Variants in TP53BP1 observed in about 807,000 individuals in gnomAD.
TP53BP1 encodes the protein TP53-binding protein 1.
A neutral mutation model predicts 200.8 loss-of-function variants in TP53BP1; 61 were observed. The observed-to-expected ratio is 0.30, with a 90% CI of 0.25 to 0.38. The LOEUF (loss-of-function observed/expected upper bound fraction) is 0.38, where lower values mean the gene tolerates loss of function less well. Among genes scored for constraint, TP53BP1 ranks in the 10% least tolerant of loss-of-function variants. TP53BP1 has a pLI of 1.00. For synonymous variants in TP53BP1, 822 were observed against 844.3 expected, an observed-to-expected ratio of 0.97 and a Z score of 0.46; for missense variants, 2,144 against 2,371.9, an observed-to-expected ratio of 0.90 and a Z score of 2.00.
chr15:43,476,135 T>C (rs1046943286), intron 8 of TP53BP1, among the ~76,000 whole-genome samples: 3 of 152,098 alleles, frequency 2.0e-5, no homozygotes, highest in Non-Finnish European at 1.5e-5. Flanking sequence ...CGTGGTGGTA[T>C]GCGCCTGTAA....
At chr15:43,472,625 T>C (rs2046753865) in intron 10 of TP53BP1, among the ~76,000 whole-genome samples, 1 of 152,216 alleles carries the variant, frequency 6.6e-6, no homozygotes, top group South Asian at 2.1e-4. Context: ...AAAAATAACC[T>C]ATAAGGACCA....
At chr15:43,471,311 T>G (rs1396481131) in intron 10 of TP53BP1, among the ~76,000 whole-genome samples, 2 of 152,146 alleles carry the variant, frequency 1.3e-5, no homozygotes, top group Non-Finnish European at 2.9e-5. Context: ...TATATCCAAA[T>G]ATACTAGTTG....
In TP53BP1 at chr15:43,438,367, C is replaced by G; in HGVS notation, c.3148G>C (p.Glu1050Gln). 6.2e-7 allele frequency: 1 copy of G among 1,613,908 alleles called. No homozygotes were observed. Among genetic ancestry groups the G allele is most frequent in the Non-Finnish European group, 8.5e-7 (1 of 1,179,928 alleles). ...GGATCCTCACTTCGAGCCTCATTCT[C>G]TTGCCTGGCTTCACAGATACAGCTC... ...VLSCICEARQ[E>Q]NEARSEDPPT... The change falls in exon 16 of 28, where the codon GAG becomes CAG. Residue 1050 changes from glutamate (E) to glutamine (Q), a missense_variant. Transcript: ENST00000382044.
intron 1 of TP53BP1, among the ~76,000 whole-genome samples, chr15:43,505,552 A>G (rs548375010): frequency 6.6e-6 from 1 of 152,336 alleles, no homozygotes; most frequent in Non-Finnish European, 1.5e-5. Flanking sequence ...GAGGGAAGAA[A>G]AAGGGGAAAT....
chr15:43,408,864 CTATACAAT>C, intron 26 of TP53BP1, 25 bp downstream of exon 26: 1 of 1,607,168 alleles, frequency 6.2e-7, no homozygotes, highest in South Asian at 1.1e-5. Context: ...GTCCTCCTGC[CTATACAAT>C]TCTGGATGGG....
intron 13 of TP53BP1, 98 bp downstream of exon 13, chr15:43,447,268 C>T: frequency 1.5e-6 from 2 of 1,341,228 alleles, no homozygotes; most frequent in African/African-American, 1.5e-5. Context: ...ATCAACCTTA[C>T]CAGCCAGACC....
chr15:43,423,803 CT>C (rs1306329590), intron 18 of TP53BP1, among the ~76,000 whole-genome samples: 1 of 152,082 alleles, frequency 6.6e-6, no homozygotes, highest in Non-Finnish European at 1.5e-5. Context: ...CATAAAAGTA[CT>C]TTTCTCTTTC....
chr15:43,452,451 G>A (rs900412158), intron 12 of TP53BP1, among the ~76,000 whole-genome samples: 2 of 151,606 alleles, frequency 1.3e-5, no homozygotes, highest in African/African-American at 4.8e-5. Flanking sequence ...CCGGCTTCTC[G>A]GGGCGGGGGG....
At chr15:43,463,653 A>G (rs1259070173) in intron 11 of TP53BP1, among the ~76,000 whole-genome samples, 1 of 152,226 alleles carries the variant, frequency 6.6e-6, no homozygotes, top group Non-Finnish European at 1.5e-5. Flanking sequence ...AAAATCTGGA[A>G]AAGGTAATCT....
chr15:43,455,338 T>C (rs1237916851), intron 12 of TP53BP1, among the ~76,000 whole-genome samples: 1 of 152,092 alleles, frequency 6.6e-6, no homozygotes, highest in Non-Finnish European at 1.5e-5. Context: ...TGGTACAATT[T>C]CTAAATATTT....
rs147976998 is a variant in TP53BP1, at chr15:43,429,941, A to G, written c.3676-1773T>C. On this transcript the variant is annotated intron_variant, in intron 17 of 27. Transcript: ENST00000382044. ...TTTACATATTCCTGAAATGCAGCCA[A>G]GAAGCTTCCCTGTATTCTTCCAGTT... Among the ~76,000 whole-genome samples the G allele has an allele frequency of 6.0e-4, 92 of 152,332 alleles. 3 individuals carry two copies. The East Asian group carries it at 0.018, about 29-fold the overall frequency.
In TP53BP1 at chr15:43,422,050, C is replaced by T. The variant is rs745587977; in HGVS notation, c.3905G>A (p.Gly1302Asp). 6.2e-7 allele frequency: 1 copy of T among 1,614,176 alleles called. No homozygotes were observed. The highest frequency in any genetic ancestry group is 8.5e-7 in the Non-Finnish European group (1 of 1,180,030). Residue 1302 changes from glycine (G) to aspartate (D), a missense_variant, in exon 19 of 28, where the codon GGT becomes GAT. Physicochemically the swap from Gly to Asp is moderately conservative, Grantham distance 94 (BLOSUM62 -1). Coordinates refer to ENST00000382044, the MANE Select transcript of TP53BP1 (RefSeq NM_001141980.3). ...GAAGGAGCTGATATCCCCCAGGTCA[C>T]CTGAGGAGCCCCCAGTCTGTGAAGG... is the stretch of plus-strand genomic sequence containing the variant. ...VSPSQTGGSS[G>D]DLGDISSFSS...
At chr15:43,483,691 A>G (rs1275029023) in intron 4 of TP53BP1, among the ~76,000 whole-genome samples, 1 of 152,274 alleles carries the variant, frequency 6.6e-6, no homozygotes, top group African/African-American at 2.4e-5. Context: ...ATAGAACATT[A>G]TCTATATAAC....
At chr15:43,453,942 T>C (rs1408720499) in intron 12 of TP53BP1, among the ~76,000 whole-genome samples, 1 of 149,686 alleles carries the variant, frequency 6.7e-6, no homozygotes, top group Admixed American at 6.7e-5. Flanking sequence ...GTGCAGCGGC[T>C]CACGCCTGTA....
chr15:43,405,422 A>G lies in TP53BP1; in HGVS notation c.*1961T>C. On this transcript the variant is annotated 3_prime_UTR_variant, in exon 28 of 28. Coordinates refer to ENST00000382044, the MANE Select transcript of TP53BP1 (RefSeq NM_001141980.3). Reference sequence around the variant, plus strand: ...TGGAAGGGTCTCTCCCATCAAGGAGAACATGTGGCATCTCTGATCCTTTAC... The same window carrying G: ...TGGAAGGGTCTCTCCCATCAAGGAGGACATGTGGCATCTCTGATCCTTTAC... 1 of 606,748 alleles carries G rather than the reference A, an allele frequency of 1.6e-6. No individual in the cohort carries two copies. The highest frequency in any genetic ancestry group is 2.9e-6 in the Non-Finnish European group (1 of 341,136). The allele number at this position is 606,748 out of a possible 1,614,324, so 37.6% of individuals were successfully genotyped here. A position where few individuals can be genotyped will look rare whatever the true frequency, so the allele number is the denominator to read the frequency against.
chr15:43,431,045 G>A (rs2045657620), intron 17 of TP53BP1, among the ~76,000 whole-genome samples: 1 of 152,094 alleles, frequency 6.6e-6, no homozygotes, highest in Non-Finnish European at 1.5e-5. Context: ...GAGTTGATCT[G>A]ATAACCAAGA....
rs767133562 is a variant in TP53BP1 at position 43,446,574 on chromosome 15, T to C, written c.2853A>G (p.Pro951=). ...CATCACTGGTTGCTATGGTGCTTTC[T>C]GGATAGTTGCTAATACCTGAAAGAA... The part of the protein sequence containing the change: ...HSTPIGISNY[P]ESTIATSDVM... The change falls in exon 14 of 28, where the codon CCA becomes CCG. Residue 951 remains proline (P), a synonymous_variant. Coordinates refer to ENST00000382044, the MANE Select transcript of TP53BP1 (RefSeq NM_001141980.3). 6.8e-6 allele frequency: 11 copies of C among 1,613,738 alleles called. No individual in the cohort carries two copies. In the South Asian group the frequency reaches 7.7e-5, roughly 11 times the overall value.
intron 17 of TP53BP1, among the ~76,000 whole-genome samples, chr15:43,430,396 C>T (rs1266410963): frequency 6.6e-6 from 1 of 152,118 alleles, no homozygotes; most frequent in African/African-American, 2.4e-5. Context: ...TTCTATACAC[C>T]ATCTATATAT....
intron 1 of TP53BP1, among the ~76,000 whole-genome samples, chr15:43,500,742 A>G (rs1291185270): frequency 6.6e-6 from 1 of 152,060 alleles, no homozygotes; most frequent in Non-Finnish European, 1.5e-5. Context: ...AATCACTTGA[A>G]CCTGGGAGGC....
Sources: allele counts gnomAD v4.1 joint callset (sites outside exome capture counted in the v4.1 genomes callset), GRCh38; gene constraint gnomAD v4.1.1; transcripts MANE v1.5; gene names NCBI Gene and HGNC (gene_info 2026-07-23, HGNC 2026-07-21).